LYST: variants seen among roughly 807,000 people sequenced by gnomAD.
The protein encoded by LYST is lysosomal trafficking regulator, also known as lysosomal-trafficking regulator.
Under a neutral mutation model 413.6 loss-of-function variants are expected in LYST, and 192 were observed. The observed-to-expected ratio is 0.46, with a 90% CI of 0.41 to 0.52. The LOEUF is 0.52. Ranked by LOEUF, LYST falls within the 20% of genes least tolerant of loss-of-function variation. The pLI, the probability that LYST is intolerant of heterozygous loss-of-function variation, is 0.00. For synonymous variants in LYST, 1,525 were observed against 1,567.3 expected (o/e 0.97, Z 0.64); for missense variants, 3,815 against 4,499.9 (o/e 0.85, Z 4.35).
chr1:235,877,660 C>T (rs1681199378), intron 1 of LYST, among the ~76,000 whole-genome samples: 1 of 152,094 alleles, frequency 6.6e-6, no homozygotes, highest in South Asian at 2.1e-4. Flanking sequence ...CCCGCCTTGG[C>T]CTCCCAAAGT....
intron 1 of LYST, among the ~76,000 whole-genome samples, chr1:235,883,032 G>A (rs1219247096): frequency 2.6e-5 from 4 of 151,586 alleles, no homozygotes; most frequent in African/African-American, 9.7e-5. Context: ...AGTCTGCAGG[G>A]GCCAGCTCCT....
At chr1:235,881,528 T>C (rs1488879060) in intron 1 of LYST, among the ~76,000 whole-genome samples, 2 of 152,210 alleles carry the variant, frequency 1.3e-5, no homozygotes, top group Admixed American at 1.3e-4. Flanking sequence ...ACACCCATGT[T>C]CATAGCAGCA....
At chr1:235,808,365 A>G (rs1673090908) in intron 5 of LYST, 90 bp downstream of exon 5, 1 of 1,226,340 alleles carries the variant, frequency 8.2e-7, no homozygotes, top group East Asian at 2.4e-5. Context: ...AAATGCATAC[A>G]ATTTATCACT....
In LYST at chr1:235,757,535, T is replaced by C. The variant is rs184840106; in HGVS notation, c.6882-77A>G. ...TGATTACCTTAGGAACTGTGACAAG[T>C]AGTAGCATTTTTTAACAGGTGAAAC... On this transcript the variant is annotated intron_variant, in intron 23 of 52. Transcript: ENST00000389793. The C allele has an allele frequency of 5.6e-5, 59 of 1,056,200 alleles. No individual in the cohort carries two copies. The African/African-American group carries it at 6.9e-4, about 12-fold the overall frequency. The allele number at this position is 1,056,200 out of a possible 1,614,324, so 65.4% of individuals were successfully genotyped here.
At chr1:235,782,794 A>G (rs559857233) in intron 14 of LYST, among the ~76,000 whole-genome samples, 1 of 152,338 alleles carries the variant, frequency 6.6e-6, no homozygotes, top group African/African-American at 2.4e-5. Context: ...CAAAAATGTT[A>G]TGTCATCTAT....
At position 235,872,093 on chromosome 1, in the gene LYST, C is replaced by T. The variant is rs529248534; in HGVS notation, n.454+11094G>A. On this transcript the variant is annotated intron_variant and non_coding_transcript_variant, in intron 1 of 11. Transcript: ENST00000465349. ...GGTGGATCACCGGAAGTCAGGAGTT[C>T]GTGACCAGCCTGGCCAATGTGGCGA... Among the ~76,000 whole-genome samples, 257 of 152,134 alleles carry T rather than the reference C, an allele frequency of 1.7e-3. 2 individuals carry two copies. Among genetic ancestry groups the T allele is most frequent in the Middle Eastern group, 0.01 (3 of 294 alleles).
chr1:235,675,313 G>A (rs532195391), intron 50 of LYST, among the ~76,000 whole-genome samples: 3 of 152,238 alleles, frequency 2.0e-5, no homozygotes, highest in Non-Finnish European at 1.5e-5. Context: ...CAAACTGCAT[G>A]TTTATCATAG....
At position 235,787,227 on chromosome 1, in the gene LYST, T is replaced by C. The variant is rs1417444184; in HGVS notation, c.4835A>G (p.Lys1612Arg). ...CTGTCCAGAGACCCATATGGAGATT[T>C]TCCCATGAATCCTCCTTTTCCCTTG... ...QPQGKRRIHG[K>R]ISIWVSGQRK... Residue 1612 changes from lysine (K) to arginine (R), a missense_variant, in exon 14 of 53, where the codon AAA becomes AGA. Coordinates refer to ENST00000389793, the MANE Select transcript of LYST (RefSeq NM_000081.4). 3 of 1,613,712 alleles carry C rather than the reference T, an allele frequency of 1.9e-6. No homozygotes were observed. Among genetic ancestry groups the C allele is most frequent in the Non-Finnish European group, 2.5e-6 (3 of 1,179,824 alleles).
chr1:235,847,101 G>A (rs970706934), intron 1 of LYST, among the ~76,000 whole-genome samples: 3 of 152,128 alleles, frequency 2.0e-5, no homozygotes, highest in African/African-American at 4.8e-5. Flanking sequence ...TAAGATGAAG[G>A]AAAGAATTTT....
At chr1:235,723,015 C>G (rs539698130) in intron 39 of LYST, among the ~76,000 whole-genome samples, 1 of 152,264 alleles carries the variant, frequency 6.6e-6, no homozygotes, top group African/African-American at 2.4e-5. Context: ...AGGATGGTAG[C>G]AGTGGAAGCA....
intron 1 of LYST, among the ~76,000 whole-genome samples, chr1:235,835,510 T>C (rs754009518): frequency 1.2e-4 from 18 of 152,216 alleles, no homozygotes; most frequent in Non-Finnish European, 2.4e-4. Context: ...GGGATTTCTC[T>C]AATGCTCTTA....
At chr1:235,824,977 G>A (rs12119591) in intron 3 of LYST, among the ~76,000 whole-genome samples, 58,924 of 151,612 alleles carry the variant, frequency 0.39, 11,916 homozygotes, top group African/African-American at 0.44. Context: ...CCAAGGTCGC[G>A]CCACTGCACT....
chr1:235,700,192 G>A (rs1475676941), intron 45 of LYST, among the ~76,000 whole-genome samples: 2 of 152,084 alleles, frequency 1.3e-5, no homozygotes, highest in African/African-American at 4.8e-5. Context: ...ATTTCATGAC[G>A]AAAAGGCCAA....
intron 47 of LYST, among the ~76,000 whole-genome samples, chr1:235,691,200 G>A (rs886292148): frequency 6.6e-6 from 1 of 152,146 alleles, no homozygotes; most frequent in South Asian, 2.1e-4. Flanking sequence ...TAACAGGCTT[G>A]AGCCACCGCG....
chr1:235,809,493 A>C lies in LYST; in HGVS notation c.1325T>G (p.Phe442Cys), dbSNP rs988321656. 2 of 1,614,072 alleles carry C rather than the reference A, an allele frequency of 1.2e-6. No individual in the cohort carries two copies. Among genetic ancestry groups the C allele is most frequent in the Admixed American group, 1.7e-5 (1 of 60,000 alleles). The change falls in exon 5 of 53, where the codon TTT (phenylalanine) becomes TGT (cysteine). Residue 442 changes from phenylalanine to cysteine, a missense_variant. Phe to Cys is a radical substitution (Grantham distance 205). Transcript: ENST00000389793. The surrounding 1 kb of genome is among the most constrained non-coding windows in gnomAD (Gnocchi z 4.0). ...AAGAACTGCTGTTTCAAATAAATTA[A>C]ATCCATGATGCTGAATGAATTCTTG... Reference protein sequence around the residue: ...LVQEFIQHHGFNLFETAVLQM... With the variant: ...LVQEFIQHHGCNLFETAVLQM...
At chr1:235,688,873 TA>T (rs1444181705) in intron 47 of LYST, among the ~76,000 whole-genome samples, 1 of 151,650 alleles carries the variant, frequency 6.6e-6, no homozygotes, top group Non-Finnish European at 1.5e-5. Context: ...TAGTCCCAGG[TA>T]CTAGGGACGG....
At chr1:235,752,645 A>G (rs1201667045) in intron 26 of LYST, among the ~76,000 whole-genome samples, 1 of 152,064 alleles carries the variant, frequency 6.6e-6, no homozygotes, top group Non-Finnish European at 1.5e-5. Flanking sequence ...TTAGGACTAA[A>G]AGAGGTAATA....
intron 34 of LYST, among the ~76,000 whole-genome samples, chr1:235,731,703 C>A (rs935280079): frequency 6.6e-6 from 1 of 151,802 alleles, no homozygotes. Flanking sequence ...GGATTACAGG[C>A]TCCCACCACA....
At chr1:235,714,217 C>A (rs1400697003) in intron 42 of LYST, among the ~76,000 whole-genome samples, 1 of 152,106 alleles carries the variant, frequency 6.6e-6, no homozygotes, top group African/African-American at 2.4e-5. Context: ...TTATTTAGTA[C>A]AAAACTGTCC....
Sources: allele counts gnomAD v4.1 joint callset (sites outside exome capture counted in the v4.1 genomes callset), GRCh38; gene constraint gnomAD v4.1.1; non-coding constraint Gnocchi (gnomAD v3.1); transcripts MANE v1.5; gene names NCBI Gene and HGNC (gene_info 2026-07-23, HGNC 2026-07-21).